Variants in LRP1B observed in about 807,000 individuals in gnomAD.
The protein encoded by LRP1B is LDL receptor related protein 1B.
Under a neutral mutation model 556.6 loss-of-function variants are expected in LRP1B, and 217 were observed. That is an observed-to-expected ratio of 0.39 (90% confidence interval 0.35 to 0.44). The LOEUF is 0.44. LRP1B is among the 20% of genes least tolerant of loss of function. The pLI is 1.00. For synonymous variants in LRP1B, 2,047 were observed against 1,865.8 expected (o/e 1.10, Z -2.50); for missense variants, 5,053 against 5,620.8 (o/e 0.90, Z 3.23).
intron 25 of LRP1B, among the ~76,000 whole-genome samples, chr2:140,880,423 C>A (rs1485080150): frequency 6.6e-6 from 1 of 152,056 alleles, no homozygotes; most frequent in Non-Finnish European, 1.5e-5. Context: ...AAAAATAGCT[C>A]CTCCCTAAGA....
chr2:141,422,204 C>A lies in LRP1B; in HGVS notation c.343+58192G>T, dbSNP rs369119241. ...GCAAATGAGTTGGGCATACACCACT[C>A]ATTAAATGTTATCTTTGATTATTAT... On this transcript the variant is annotated intron_variant, in intron 3 of 90. Transcript: ENST00000389484. Among the ~76,000 whole-genome samples the A allele has an allele frequency of 4.6e-5, 7 of 152,296 alleles. No homozygotes were observed. In the East Asian group the frequency reaches 1.3e-3, roughly 29 times the overall value.
chr2:140,770,647 A>T (rs1461888647), intron 34 of LRP1B, among the ~76,000 whole-genome samples: 1 of 152,120 alleles, frequency 6.6e-6, no homozygotes, highest in Non-Finnish European at 1.5e-5. Flanking sequence ...GATAATATAC[A>T]GCAGTTGCTA....
intron 2 of LRP1B, among the ~76,000 whole-genome samples, chr2:141,602,514 A>G (rs1687785187): frequency 6.6e-6 from 1 of 152,226 alleles, no homozygotes; most frequent in Admixed American, 6.5e-5. Context: ...AAATATTATA[A>G]AGAGGGATCC....
In LRP1B at chr2:141,452,706, G is replaced by A. The variant is rs151228013; in HGVS notation, c.343+27690C>T. ...TCACTACTCTAGAATCAACTAGTTT[G>A]CTTGTTTGTAGCTATTCCTCAGTCA... On this transcript the variant is annotated intron_variant, in intron 3 of 90. Coordinates refer to ENST00000389484, the MANE Select transcript of LRP1B (RefSeq NM_018557.3). Among the ~76,000 whole-genome samples the A allele has an allele frequency of 7.4e-3, 1,122 of 152,280 alleles. 13 individuals are homozygous for A. The highest frequency in any genetic ancestry group is 0.024 in the African/African-American group (992 of 41,566).
chr2:140,797,246 C>T (rs1246631462), intron 32 of LRP1B, among the ~76,000 whole-genome samples: 2 of 151,916 alleles, frequency 1.3e-5, no homozygotes, highest in Non-Finnish European at 2.9e-5. Context: ...CCCCCCAAAA[C>T]CCAATCTTCT....
chr2:141,068,310 C>A (rs1182517806), intron 7 of LRP1B, among the ~76,000 whole-genome samples: 2 of 151,882 alleles, frequency 1.3e-5, no homozygotes, highest in Non-Finnish European at 2.9e-5. Context: ...GAAAATAGTT[C>A]TCTCTCCTGT....
chr2:140,684,612 C>T (rs1477305875), intron 41 of LRP1B, among the ~76,000 whole-genome samples: 1 of 152,156 alleles, frequency 6.6e-6, no homozygotes, highest in Non-Finnish European at 1.5e-5. Context: ...TTTTAGCTAT[C>T]ATTCTACACA....
At chr2:141,985,385 A>C (rs1284173719) in intron 1 of LRP1B, among the ~76,000 whole-genome samples, 3 of 152,016 alleles carry the variant, frequency 2.0e-5, no homozygotes, top group Admixed American at 2.0e-4. Flanking sequence ...AAAGAGGGTC[A>C]CTATTTTATA....
intron 35 of LRP1B, among the ~76,000 whole-genome samples, chr2:140,748,092 AAT>A (rs757456196): frequency 0.016 from 109 of 6,940 alleles, no homozygotes; most frequent in African/African-American, 0.049. Flanking sequence ...AAGTCCTATG[AAT>A]ATATATATAT....
intron 27 of LRP1B, among the ~76,000 whole-genome samples, chr2:140,856,794 A>G (rs1022792709): frequency 2.0e-5 from 3 of 150,966 alleles, no homozygotes; most frequent in African/African-American, 7.3e-5. Context: ...GTTTTTTCCT[A>G]AAATTTCTAT....
At chr2:141,691,632 C>T (rs141656558) in intron 2 of LRP1B, among the ~76,000 whole-genome samples, 130 of 152,068 alleles carry the variant, frequency 8.5e-4, no homozygotes, top group African/African-American at 3.1e-3. Context: ...ACTCCAGGAG[C>T]TGCATCTAGA....
intron 3 of LRP1B, among the ~76,000 whole-genome samples, chr2:141,347,200 T>C (rs1688282440): frequency 6.6e-6 from 1 of 152,140 alleles, no homozygotes; most frequent in African/African-American, 2.4e-5. Flanking sequence ...ATATCAGATA[T>C]ACTTGTGGCT....
intron 86 of LRP1B, among the ~76,000 whole-genome samples, chr2:140,257,562 T>C (rs1681752037): frequency 6.6e-6 from 1 of 152,160 alleles, no homozygotes; most frequent in Non-Finnish European, 1.5e-5. Context: ...AAATATGATA[T>C]GTGTTCCTTT....
chr2:140,836,366 C>T lies in LRP1B; in HGVS notation c.5209+3625G>A, dbSNP rs140064908. On this transcript the variant is annotated intron_variant, in intron 31 of 90. Coordinates refer to ENST00000389484, the MANE Select transcript of LRP1B (RefSeq NM_018557.3). ...GCAGTGATTCATACTCAGATTTGTTCGGTTCCTCAAATAACATTTTTTTCC... is the reference window on the plus strand; with the variant it reads ...GCAGTGATTCATACTCAGATTTGTTTGGTTCCTCAAATAACATTTTTTTCC... 9.7e-3 allele frequency among the ~76,000 whole-genome samples: 1,475 copies of T among 152,270 alleles called. 18 individuals are homozygous for T. Among genetic ancestry groups the T allele is most frequent in the Non-Finnish European group, 0.017 (1,154 of 67,996 alleles).
chr2:140,558,461 T>A (rs1331616405), intron 43 of LRP1B, among the ~76,000 whole-genome samples: 1 of 152,124 alleles, frequency 6.6e-6, no homozygotes, highest in Non-Finnish European at 1.5e-5. Context: ...AAATGAACCA[T>A]GAAAATATTA....
chr2:140,779,416 G>A (rs10209438), intron 32 of LRP1B, among the ~76,000 whole-genome samples: 49,875 of 151,962 alleles, frequency 0.33, 8,210 homozygotes, highest in African/African-American at 0.36. Flanking sequence ...AAGAAGTGTG[G>A]CCGGGCATGG....
intron 20 of LRP1B, among the ~76,000 whole-genome samples, chr2:140,938,903 A>C (rs1695311603): frequency 6.6e-6 from 1 of 152,094 alleles, no homozygotes; most frequent in Non-Finnish European, 1.5e-5. Context: ...GGACATAAGC[A>C]AAAGAAATAA....
intron 1 of LRP1B, among the ~76,000 whole-genome samples, chr2:141,904,635 C>T (rs1156618627): frequency 6.6e-6 from 1 of 151,804 alleles, no homozygotes; most frequent in African/African-American, 2.4e-5. Flanking sequence ...ATGTGACATG[C>T]AGTGACATGA....
chr2:141,366,755 T>G (rs1011131143), intron 3 of LRP1B, among the ~76,000 whole-genome samples: 1 of 152,220 alleles, frequency 6.6e-6, no homozygotes, highest in Admixed American at 6.5e-5. Flanking sequence ...TTTTCTTTGT[T>G]GCCCATCAAT....
Sources: gnomAD v4.1 joint callset for allele counts (sites outside exome capture counted in the v4.1 genomes callset) on GRCh38, gnomAD v4.1.1 for gene constraint, MANE v1.5 for transcripts, NCBI Gene and HGNC (gene_info 2026-07-23, HGNC 2026-07-21) for gene names.